Variants in DRC1 observed in about 807,000 individuals in gnomAD.
DRC1 encodes dynein regulatory complex subunit 1.
In DRC1, 74 loss-of-function variants were observed where a neutral mutation model predicts 98.7. The ratio of observed to expected loss-of-function variants is 0.75; its 90% CI spans 0.62 to 0.91. The LOEUF is 0.91. Ranked by LOEUF, DRC1 falls within the 40% of genes least tolerant of loss-of-function variation. DRC1 has a pLI of 0.00. For missense variants in DRC1, 875 were observed against 886.0 expected, an observed-to-expected ratio of 0.99 and a Z score of 0.16; for synonymous variants, 336 against 334.1, an observed-to-expected ratio of 1.01 and a Z score of -0.06.
In DRC1 at chr2:26,444,875, CA is replaced by C. The variant is rs1663812465; in HGVS notation, c.1325del (p.Asn442MetfsTer16). On this transcript the variant is annotated frameshift_variant, in exon 10 of 17. Coordinates refer to ENST00000288710, the MANE Select transcript of DRC1 (RefSeq NM_145038.5). LOFTEE classifies it high-confidence loss of function. ...CAGCACCTGATTTCTGGTTCCTGAA[CA>C]ATGTTGGGCCTATTTCTCAGCAGCC... ...WAAPDFWFLN[N>X]VGPISQQPQK... 9.3e-6 allele frequency: 15 copies of C among 1,614,182 alleles called. No homozygotes were observed. The highest frequency in any genetic ancestry group is 8.5e-6 in the Non-Finnish European group (10 of 1,180,046).
chr2:26,437,242 A>G (rs1398102565), intron 7 of DRC1, among the ~76,000 whole-genome samples: 3 of 152,260 alleles, frequency 2.0e-5, no homozygotes, highest in African/African-American at 7.2e-5. Flanking sequence ...GACAGGGCCC[A>G]AAGCAACTCA....
chr2:26,449,919 C>A, intron 11 of DRC1, 77 bp from the exon 12 acceptor site: 1 of 1,334,164 alleles, frequency 7.5e-7, no homozygotes, highest in Non-Finnish European at 1.1e-6. Flanking sequence ...GAGTGTTACA[C>A]AGGGGGCAGC....
At chr2:26,420,824 C>T (rs1663119573) in intron 2 of DRC1, among the ~76,000 whole-genome samples, 1 of 149,122 alleles carries the variant, frequency 6.7e-6, no homozygotes, top group Non-Finnish European at 1.5e-5. Flanking sequence ...AGTGTAGCGG[C>T]GTGACCTTGG....
At chr2:26,440,776 T>G (rs917926912) in intron 8 of DRC1, among the ~76,000 whole-genome samples, 4 of 152,200 alleles carry the variant, frequency 2.6e-5, no homozygotes, top group Admixed American at 2.6e-4. Context: ...CAGAATTTCA[T>G]TAGGCATATA....
At chr2:26,446,536 C>T (rs1427032716) in intron 10 of DRC1, among the ~76,000 whole-genome samples, 1 of 152,048 alleles carries the variant, frequency 6.6e-6, no homozygotes. Context: ...ATTCTAATAC[C>T]TCCTCATCAA....
intron 1 of DRC1, among the ~76,000 whole-genome samples, chr2:26,406,672 AC>A (rs1678437958): frequency 6.6e-6 from 1 of 152,128 alleles, no homozygotes; most frequent in Non-Finnish European, 1.5e-5. Context: ...AGATCGAGCC[AC>A]TGTACTCCAG....
intron 1 of DRC1, among the ~76,000 whole-genome samples, chr2:26,407,068 C>T (rs951316842): frequency 2.6e-5 from 4 of 151,986 alleles, no homozygotes; most frequent in African/African-American, 9.7e-5. Context: ...GATCCTGCCA[C>T]CTTAGCCTCG....
chr2:26,455,324 C>T, intron 16 of DRC1, 91 bp downstream of exon 16: 1 of 1,220,042 alleles, frequency 8.2e-7, no homozygotes, highest in Non-Finnish European at 1.2e-6. Context: ...GGAGTCCCCT[C>T]CCCGTCAGAG....
intron 16 of DRC1, among the ~76,000 whole-genome samples, chr2:26,455,874 C>T (rs756839997): frequency 2.0e-5 from 3 of 152,228 alleles, no homozygotes; most frequent in East Asian, 1.9e-4. Context: ...TCCTGCTCTG[C>T]GGGTGTGGGC....
intron 5 of DRC1, chr2:26,430,456 C>T (rs1257438559): frequency 6.2e-6 from 3 of 487,596 alleles, no homozygotes; most frequent in East Asian, 6.2e-5. Flanking sequence ...CAGTGGTAGT[C>T]ACAGTTGAAT....
In DRC1 at chr2:26,429,182, G is replaced by GATT. The variant is rs760442829; in HGVS notation, c.541-444_541-443insTAT. On this transcript the variant is annotated intron_variant, in intron 4 of 16. Coordinates refer to ENST00000288710, the MANE Select transcript of DRC1 (RefSeq NM_145038.5). ...TCTGAAACCACTTTCTCTTTGTACA[G>GATT]ATGATTATTATTATTATTATTATTA... is the stretch of plus-strand genomic sequence containing the variant. 1.7e-3 allele frequency among the ~76,000 whole-genome samples: 248 copies of GATT among 146,134 alleles called. 8 individuals carry two copies. The highest frequency in any genetic ancestry group is 5.9e-3 in the African/African-American group (224 of 38,230).
intron 4 of DRC1, among the ~76,000 whole-genome samples, chr2:26,428,219 A>G (rs1289456047): frequency 6.6e-6 from 1 of 152,238 alleles, no homozygotes; most frequent in African/African-American, 2.4e-5. Flanking sequence ...CTTTGTCATA[A>G]TTGTAGAATT....
chr2:26,417,518 G>A (rs1408481677), intron 2 of DRC1, among the ~76,000 whole-genome samples: 1 of 152,000 alleles, frequency 6.6e-6, no homozygotes, highest in Non-Finnish European at 1.5e-5. Context: ...TACCGGAGAC[G>A]GGATTTCACC....
intron 1 of DRC1, among the ~76,000 whole-genome samples, chr2:26,406,247 G>A (rs1032432222): frequency 6.6e-6 from 1 of 152,032 alleles, no homozygotes; most frequent in African/African-American, 2.4e-5. Flanking sequence ...ACATTGTTTC[G>A]AATTGCTGGC....
Position 26,455,130 on chromosome 2 carries a change from G to C in DRC1, c.2064-1G>C. 6.2e-7 allele frequency: 1 copy of C among 1,614,096 alleles called. No individual in the cohort carries two copies. Among genetic ancestry groups the C allele is most frequent in the Non-Finnish European group, 8.5e-7 (1 of 1,180,030 alleles). On this transcript the variant is annotated splice_acceptor_variant, in intron 15 of 16. Transcript: ENST00000288710. LOFTEE classifies it high-confidence loss of function. The stretch of plus-strand genomic sequence containing the variant: ...CCTCTAACCGATTTTTCTGTCCAAA[G>C]CCTTGTCCTGACCCAGAGGGCCAAG...
Position 26,444,271 on chromosome 2 carries a change from A to T in DRC1, c.1078A>T (p.Lys360Ter). The T allele has an allele frequency of 6.2e-7, 1 of 1,614,196 alleles. No homozygotes were observed. Among genetic ancestry groups the T allele is most frequent in the Non-Finnish European group, 8.5e-7 (1 of 1,180,050 alleles). Residue 360 changes from lysine to a stop codon, truncating the protein, a stop_gained, in exon 9 of 17, where the codon AAG becomes TAG. Coordinates refer to ENST00000288710, the MANE Select transcript of DRC1 (RefSeq NM_145038.5). LOFTEE classifies it high-confidence loss of function. ...NLRSKYAKQI[K>*]QFQEENQSLT... The stretch of plus-strand genomic sequence containing the variant: ...GAGATCAAAATATGCCAAGCAAATA[A>T]AGCAGTTTCAGGAGGAGAACCAGTC...
chr2:26,456,453 T>C lies in DRC1; in HGVS notation c.2167-8T>C. On this transcript the variant is annotated splice_region_variant and splice_polypyrimidine_tract_variant and intron_variant, in intron 16 of 16. Coordinates refer to ENST00000288710, the MANE Select transcript of DRC1 (RefSeq NM_145038.5). ...AAAATGTAACGACTTTCACCCTTTC[T>C]TTTCCAGATCAACTCTGAACTGCAA... 6.2e-7 allele frequency: 1 copy of C among 1,614,136 alleles called. No individual in the cohort carries two copies. The highest frequency in any genetic ancestry group is 8.5e-7 in the Non-Finnish European group (1 of 1,179,972).
intron 13 of DRC1, among the ~76,000 whole-genome samples, chr2:26,452,644 C>T (rs1664038137): frequency 6.6e-6 from 1 of 152,126 alleles, no homozygotes; most frequent in Admixed American, 6.5e-5. Flanking sequence ...CCTATATGTC[C>T]ATTGTTGAGG....
chr2:26,449,937 C>G (rs1374100130), intron 11 of DRC1, 59 bp from the exon 12 acceptor site: 1 of 1,519,114 alleles, frequency 6.6e-7, no homozygotes, highest in Non-Finnish European at 9.1e-7. Context: ...AGCTGCAGAC[C>G]CTGGGACTCG....
Sources: gnomAD v4.1 joint callset for allele counts (sites outside exome capture counted in the v4.1 genomes callset) on GRCh38, gnomAD v4.1.1 for gene constraint, MANE v1.5 for transcripts, NCBI Gene and HGNC (gene_info 2026-07-23, HGNC 2026-07-21) for gene names.